Variants in MGAT4C observed in about 807,000 individuals in gnomAD.
MGAT4C encodes alpha-1,3-mannosyl-glycoprotein 4-beta-N-acetylglucosaminyltransferase C.
Under a neutral mutation model 40.1 loss-of-function variants are expected in MGAT4C, and 19 were observed. That is an observed-to-expected ratio of 0.47 (90% CI 0.33 to 0.70). The LOEUF (loss-of-function observed/expected upper bound fraction) is 0.70. Ranked by LOEUF, MGAT4C falls within the 30% of genes least tolerant of loss-of-function variation. The pLI is 0.02. For missense variants in MGAT4C, 491 were observed against 563.2 expected, an observed-to-expected ratio of 0.87 and a Z score of 1.30; for synonymous variants, 181 against 187.1, an observed-to-expected ratio of 0.97 and a Z score of 0.27.
At chr12:86,764,749 C>A (rs1342201772) in intron 1 of MGAT4C, among the ~76,000 whole-genome samples, 1 of 152,160 alleles carries the variant, frequency 6.6e-6, no homozygotes, top group Non-Finnish European at 1.5e-5. Flanking sequence ...GATACCCAGG[C>A]AAACAGGGTC....
chr12:86,091,351 C>T (rs1262472229), intron 1 of MGAT4C, among the ~76,000 whole-genome samples: 1 of 152,024 alleles, frequency 6.6e-6, no homozygotes, highest in Non-Finnish European at 1.5e-5. Flanking sequence ...ATTTTCCCCC[C>T]ACTGGCCTCA....
intron 2 of MGAT4C, among the ~76,000 whole-genome samples, chr12:86,691,752 C>A (rs190454812): frequency 1.9e-3 from 282 of 152,150 alleles, no homozygotes; most frequent in Non-Finnish European, 3.4e-3. Context: ...CGTATCCAAA[C>A]ACACACCCAC....
intron 4 of MGAT4C, among the ~76,000 whole-genome samples, chr12:86,327,489 TC>T (rs1271004995): frequency 1.3e-5 from 2 of 152,050 alleles, no homozygotes; most frequent in East Asian, 3.9e-4. Context: ...AACCTGGTGT[TC>T]TTTGAAAACT....
intron 3 of MGAT4C, among the ~76,000 whole-genome samples, chr12:86,405,603 T>A (rs2136239944): frequency 6.6e-6 from 1 of 152,080 alleles, no homozygotes; most frequent in Non-Finnish European, 1.5e-5. Flanking sequence ...ATTTCTGAAT[T>A]GTTTTTTATA....
intron 1 of MGAT4C, among the ~76,000 whole-genome samples, chr12:86,783,797 A>T (rs1026186311): frequency 6.6e-6 from 1 of 152,204 alleles, no homozygotes; most frequent in Non-Finnish European, 1.5e-5. Flanking sequence ...AATATATAAT[A>T]TAAAGGAAAT....
At chr12:85,995,812 C>A (rs887419110) in intron 2 of MGAT4C, among the ~76,000 whole-genome samples, 6 of 152,144 alleles carry the variant, frequency 3.9e-5, no homozygotes, top group Non-Finnish European at 8.8e-5. Flanking sequence ...AGCCTGCATG[C>A]AGTGAGCTGT....
chr12:86,325,283 G>A (rs1196738172), intron 4 of MGAT4C, among the ~76,000 whole-genome samples: 2 of 152,062 alleles, frequency 1.3e-5, no homozygotes, highest in Admixed American at 1.3e-4. Context: ...TATTTTTCCA[G>A]ATTTTTCCAC....
At chr12:86,142,723 T>G (rs1246243804) in intron 1 of MGAT4C, among the ~76,000 whole-genome samples, 2 of 150,440 alleles carry the variant, frequency 1.3e-5, no homozygotes, top group Admixed American at 6.6e-5. Context: ...TTTTTTTTTG[T>G]TTTTTTTGTG....
At chr12:86,500,310 A>T (rs1315470712) in intron 2 of MGAT4C, among the ~76,000 whole-genome samples, 1 of 151,866 alleles carries the variant, frequency 6.6e-6, no homozygotes, top group Non-Finnish European at 1.5e-5. Context: ...AGATTTATTT[A>T]TGTAAATGAT....
At chr12:86,629,090 C>A (rs1034067405) in intron 2 of MGAT4C, among the ~76,000 whole-genome samples, 7 of 151,358 alleles carry the variant, frequency 4.6e-5, no homozygotes, top group South Asian at 2.1e-4. Flanking sequence ...GAAAAAAAAA[C>A]CAGGGGTTGC....
chr12:86,575,010 G>C (rs1371512795), intron 2 of MGAT4C, among the ~76,000 whole-genome samples: 1 of 151,420 alleles, frequency 6.6e-6, no homozygotes, highest in Admixed American at 6.6e-5. Flanking sequence ...CAAAACCTTA[G>C]GTTTTCCAGG....
Position 86,582,148 on chromosome 12 carries a change from T to C in MGAT4C, c.-229+145061A>G, listed in dbSNP as rs77372632. Among the ~76,000 whole-genome samples the C allele has an allele frequency of 1.5e-4, 22 of 151,596 alleles. 1 individual carries two copies. The East Asian group carries it at 4.3e-3, about 30-fold the overall frequency. On this transcript the variant is annotated intron_variant, in intron 2 of 7. Transcript: ENST00000548651. The stretch of plus-strand genomic sequence containing the variant: ...GCTTCCTAGAAAGCATTATTATTAA[T>C]GATAGTACAAGATGATCATGTATAT...
At chr12:86,652,617 A>G (rs567865877) in intron 2 of MGAT4C, among the ~76,000 whole-genome samples, 2 of 152,056 alleles carry the variant, frequency 1.3e-5, no homozygotes, top group East Asian at 3.9e-4. Context: ...TCAAGTGTCC[A>G]TATATTTGGC....
chr12:86,739,533 A>G (rs1046073718), intron 1 of MGAT4C, among the ~76,000 whole-genome samples: 1 of 146,886 alleles, frequency 6.8e-6, no homozygotes, highest in Non-Finnish European at 1.5e-5. Context: ...ATTTGGGGGA[A>G]AAAAAAAGGA....
At chr12:86,700,577 A>G (rs1950343924) in intron 2 of MGAT4C, among the ~76,000 whole-genome samples, 1 of 152,180 alleles carries the variant, frequency 6.6e-6, no homozygotes, top group East Asian at 1.9e-4. Context: ...AGTAAGGTCA[A>G]GAAAAGGTTA....
intron 2 of MGAT4C, among the ~76,000 whole-genome samples, chr12:86,016,986 G>T (rs922176842): frequency 6.6e-6 from 1 of 152,046 alleles, no homozygotes; most frequent in Non-Finnish European, 1.5e-5. Context: ...TCAGTCAAAA[G>T]TTGTTGTTCA....
chr12:86,519,262 T>C (rs1450756446), intron 2 of MGAT4C, among the ~76,000 whole-genome samples: 1 of 152,190 alleles, frequency 6.6e-6, no homozygotes, highest in Non-Finnish European at 1.5e-5. Context: ...TGAATAACAT[T>C]CCATTGTGTA....
intron 2 of MGAT4C, among the ~76,000 whole-genome samples, chr12:86,528,666 TTG>T (rs765420230): frequency 9.2e-5 from 14 of 152,192 alleles, no homozygotes; most frequent in Non-Finnish European, 2.1e-4. Flanking sequence ...TGTGAAAATT[TTG>T]TGTTTCTGTT....
At chr12:86,106,131 A>G (rs906909521) in intron 1 of MGAT4C, among the ~76,000 whole-genome samples, 3 of 152,134 alleles carry the variant, frequency 2.0e-5, no homozygotes, top group Non-Finnish European at 4.4e-5. Context: ...ACTTTCAGGC[A>G]TTATTTTTCT....
Sources: allele counts gnomAD v4.1 joint callset (sites outside exome capture counted in the v4.1 genomes callset), GRCh38; gene constraint gnomAD v4.1.1; transcripts MANE v1.5; gene names NCBI Gene and HGNC (gene_info 2026-07-23, HGNC 2026-07-21).